The following ENAH variants were observed in gnomAD, a reference collection of about 807,000 sequenced individuals.
ENAH encodes ENAH actin regulator, also known as protein enabled homolog.
Under a neutral mutation model 78.7 loss-of-function variants are expected in ENAH, and 23 were observed. That is an observed-to-expected ratio of 0.29 (90% confidence interval 0.21 to 0.41). The LOEUF is 0.41. ENAH is among the 10% of genes least tolerant of loss of function. The probability of loss-of-function intolerance (pLI) is 1.00; values close to 1 mark genes in which losing one functional copy is unlikely to be tolerated. For missense variants in ENAH, 544 were observed against 691.0 expected, an observed-to-expected ratio of 0.79 and a Z score of 2.39; for synonymous variants, 226 against 241.0, an observed-to-expected ratio of 0.94 and a Z score of 0.58.
At chr1:225,600,966 C>G (rs371843657) in intron 1 of ENAH, among the ~76,000 whole-genome samples, 1 of 151,984 alleles carries the variant, frequency 6.6e-6, no homozygotes, top group Non-Finnish European at 1.5e-5. Flanking sequence ...TTACAACATT[C>G]TTAAAGGTCT....
At position 225,490,418 on chromosome 1, in the gene ENAH, C is replaced by CA. The variant is rs1213920105; in HGVS notation, c.*7356dup. On this transcript the variant is annotated 3_prime_UTR_variant, in exon 14 of 14. Coordinates refer to ENST00000366843, the MANE Select transcript of ENAH (RefSeq NM_018212.6). ...TGAAACCCCATCTCTACTAAAAATACAAAAATTAGTCGGGCATGGTGGCAC... is the reference window on the plus strand; with the variant it reads ...TGAAACCCCATCTCTACTAAAAATACAAAAAATTAGTCGGGCATGGTGGCAC... The CA allele has an allele frequency of 1.1e-4, 17 of 152,100 alleles. No homozygotes were observed. The highest frequency in any genetic ancestry group is 3.4e-4 in the African/African-American group (14 of 41,388). 9.4% of individuals were successfully genotyped at this position (152,100 alleles called of 1,614,324 possible). A position where few individuals can be genotyped will look rare whatever the true frequency, so the allele number is the denominator to read the frequency against.
intron 4 of ENAH, among the ~76,000 whole-genome samples, chr1:225,526,814 T>A (rs2096509109): frequency 6.6e-6 from 1 of 152,238 alleles, no homozygotes; most frequent in Admixed American, 6.5e-5. Flanking sequence ...TTCCGCTCCC[T>A]GCATTGCATC....
At chr1:225,623,777 G>C (rs1463771297) in intron 1 of ENAH, among the ~76,000 whole-genome samples, 1 of 152,092 alleles carries the variant, frequency 6.6e-6, no homozygotes, top group Admixed American at 6.6e-5. Flanking sequence ...TTTTAGTAGA[G>C]ATGTGGTTTC....
chr1:225,565,014 T>C (rs1307158718), intron 2 of ENAH, among the ~76,000 whole-genome samples: 2 of 152,154 alleles, frequency 1.3e-5, no homozygotes, highest in Admixed American at 1.3e-4. Context: ...TGTCACAATT[T>C]AGAAGCACAG....
intron 1 of ENAH, among the ~76,000 whole-genome samples, chr1:225,587,713 G>T (rs1314026675): frequency 3.3e-5 from 5 of 151,864 alleles, no homozygotes; most frequent in Non-Finnish European, 4.4e-5. Flanking sequence ...AACAAAAAAA[G>T]AATAATGATA....
chr1:225,527,696 G>A (rs899081873), intron 4 of ENAH, among the ~76,000 whole-genome samples: 2 of 152,188 alleles, frequency 1.3e-5, no homozygotes, highest in African/African-American at 4.8e-5. Flanking sequence ...TGGTCCTGGA[G>A]GGGGAAGGAG....
intron 10 of ENAH, 86 bp downstream of exon 10, chr1:225,511,725 A>G (rs2096378117): frequency 1.0e-6 from 1 of 953,128 alleles, no homozygotes; most frequent in Non-Finnish European, 1.6e-6. Context: ...CTTGGTCCAA[A>G]TATGGGGAAA....
chr1:225,493,927 A>G lies in ENAH; in HGVS notation c.*3848T>C, dbSNP rs1395933759. 1.3e-5 allele frequency: 2 copies of G among 152,160 alleles called. No individual in the cohort carries two copies. The highest frequency in any genetic ancestry group is 2.9e-5 in the Non-Finnish European group (2 of 68,002). The allele number at this position is 152,160 out of a possible 1,614,324, so 9.4% of individuals were successfully genotyped here. Reference sequence around the variant, plus strand: ...AAGTATATATAAATTTACAAGAGACATAAAAGTTGTAGCTAGGTAAATTTA... The same window carrying G: ...AAGTATATATAAATTTACAAGAGACGTAAAAGTTGTAGCTAGGTAAATTTA... On this transcript the variant is annotated 3_prime_UTR_variant, in exon 14 of 14. Coordinates refer to ENST00000366843, the MANE Select transcript of ENAH (RefSeq NM_018212.6).
chr1:225,503,273 G>A (rs977309843), intron 11 of ENAH, among the ~76,000 whole-genome samples: 2 of 152,074 alleles, frequency 1.3e-5, no homozygotes, highest in African/African-American at 4.8e-5. Context: ...CAAGATAACT[G>A]AGCAGATTTA....
intron 3 of ENAH, among the ~76,000 whole-genome samples, chr1:225,544,081 T>C (rs1034105697): frequency 3.3e-5 from 5 of 152,074 alleles, no homozygotes; most frequent in Admixed American, 2.6e-4. Context: ...CTCATCAGAG[T>C]GGAAGTGGTT....
intron 1 of ENAH, among the ~76,000 whole-genome samples, chr1:225,568,381 TATAAAG>T (rs1469224451): frequency 1.3e-5 from 2 of 152,158 alleles, no homozygotes; most frequent in East Asian, 1.9e-4. Context: ...TAAAATAAAA[TATAAAG>T]ATAATCTCAA....
At chr1:225,652,613 G>GA (rs1663243423) in intron 1 of ENAH, 73 bp downstream of exon 1, 15 of 1,240,014 alleles carry the variant, frequency 1.2e-5, no homozygotes, top group Non-Finnish European at 1.5e-5. Context: ...GGAAGGCGGG[G>GA]TCCGAGGAGA....
intron 1 of ENAH, among the ~76,000 whole-genome samples, chr1:225,650,861 A>AC (rs1662850413): frequency 1.3e-5 from 2 of 149,448 alleles, no homozygotes; most frequent in African/African-American, 5.0e-5. Flanking sequence ...AAAAAAAAAA[A>AC]AAAAAAAAAA....
intron 1 of ENAH, among the ~76,000 whole-genome samples, chr1:225,639,259 G>A (rs1660593135): frequency 6.6e-6 from 1 of 152,126 alleles, no homozygotes; most frequent in Non-Finnish European, 1.5e-5. Flanking sequence ...CCTGGTTGGT[G>A]GCTACACAGG....
chr1:225,585,060 C>G (rs1022128769), intron 1 of ENAH, among the ~76,000 whole-genome samples: 1 of 151,334 alleles, frequency 6.6e-6, no homozygotes. Context: ...ACTAAAAATA[C>G]AAAAATTAGC....
chr1:225,590,040 T>A (rs114319909), intron 1 of ENAH, among the ~76,000 whole-genome samples: 3 of 150,280 alleles, frequency 2.0e-5, no homozygotes, highest in Non-Finnish European at 4.4e-5. Flanking sequence ...ATAATAAAAT[T>A]TGGTAGATGC....
chr1:225,516,514 G>A (rs2096418190), intron 6 of ENAH, among the ~76,000 whole-genome samples: 1 of 152,122 alleles, frequency 6.6e-6, no homozygotes. Context: ...AAAAATGAAG[G>A]AAAACAATTT....
intron 1 of ENAH, among the ~76,000 whole-genome samples, chr1:225,584,049 A>T (rs543014392): frequency 1.1e-4 from 16 of 152,142 alleles, no homozygotes; most frequent in Non-Finnish European, 7.4e-5. Flanking sequence ...GCTATTTGGG[A>T]GGCTAAGACA....
rs2096397744 is a variant in ENAH, at chr1:225,514,054, G to A, written c.1218+542C>T. Among the ~76,000 whole-genome samples, 3 of 152,056 alleles carry A rather than the reference G, an allele frequency of 2.0e-5. No individual in the cohort carries two copies. In the South Asian group the frequency reaches 6.2e-4, roughly 31 times the overall value. On this transcript the variant is annotated intron_variant, in intron 7 of 13. Coordinates refer to ENST00000366843, the MANE Select transcript of ENAH (RefSeq NM_018212.6). ...ACATATCCAAAGAAGGAATAAAAAA[G>A]CAAATACTGGTAAAATGTTAATGGG...
Sources: gnomAD v4.1 joint callset for allele counts (sites outside exome capture counted in the v4.1 genomes callset) on GRCh38, gnomAD v4.1.1 for gene constraint, MANE v1.5 for transcripts, NCBI Gene and HGNC (gene_info 2026-07-23, HGNC 2026-07-21) for gene names.